The following CHCHD6 variants were observed in gnomAD, a reference collection of about 807,000 sequenced individuals.
CHCHD6 encodes the protein coiled-coil-helix-coiled-coil-helix domain containing 6, also known as MICOS complex subunit MIC25.
In CHCHD6, 28 loss-of-function variants were observed where a neutral mutation model predicts 32.3. That is an observed-to-expected ratio of 0.87 (90% CI 0.64 to 1.19). The LOEUF (loss-of-function observed/expected upper bound fraction) is 1.19. Among genes scored for constraint, CHCHD6 ranks in the 50% most tolerant of loss-of-function variants. CHCHD6 has a pLI of 0.00. For synonymous variants in CHCHD6, 122 were observed against 117.5 expected (o/e 1.04, Z -0.25); for missense variants, 333 against 307.0 (o/e 1.08, Z -0.63).
rs540321618 is a variant in CHCHD6, at chr3:126,766,818, G to A, written c.411+33596G>A. ...CTTCACTGATGGCAAAGGAGCAGGT[G>A]TAACCAGTATAGATCTGGGACACCC... On this transcript the variant is annotated intron_variant, in intron 4 of 7. Transcript: ENST00000290913. 1.4e-4 allele frequency: 141 copies of A among 1,000,810 alleles called. 1 individual carries two copies. The highest frequency in any genetic ancestry group is 2.2e-4 in the Non-Finnish European group (136 of 622,252). The allele number at this position is 1,000,810 out of a possible 1,614,324, so 62.0% of individuals were successfully genotyped here. A position where few individuals can be genotyped will look rare whatever the true frequency, so the allele number is the denominator to read the frequency against.
At chr3:126,860,560 T>C (rs993582579) in intron 5 of CHCHD6, among the ~76,000 whole-genome samples, 8 of 152,084 alleles carry the variant, frequency 5.3e-5, no homozygotes, top group South Asian at 4.1e-4. Context: ...CAAACCTGCA[T>C]GTTGTGCACA....
intron 6 of CHCHD6, among the ~76,000 whole-genome samples, chr3:126,948,209 C>T (rs1375826443): frequency 6.6e-6 from 1 of 152,240 alleles, no homozygotes; most frequent in Non-Finnish European, 1.5e-5. Context: ...CAAAGCACCA[C>T]ATGTCAGGCC....
intron 5 of CHCHD6, among the ~76,000 whole-genome samples, chr3:126,907,579 G>A (rs1443775629): frequency 6.6e-6 from 1 of 152,106 alleles, no homozygotes; most frequent in Non-Finnish European, 1.5e-5. Context: ...TTAAAATGTA[G>A]CATTCCTGTG....
At chr3:126,841,389 A>G (rs1941075126) in intron 4 of CHCHD6, among the ~76,000 whole-genome samples, 1 of 152,196 alleles carries the variant, frequency 6.6e-6, no homozygotes, top group East Asian at 1.9e-4. Context: ...AGGAAGTGAC[A>G]GATCTAGTAT....
rs115087691 is a variant in CHCHD6, at chr3:126,729,601, A to G, written c.197-960A>G. ...CGCAGCAGGCTCCTGAGTTCACCTC[A>G]GTTGAGAACCTGGTGTGTTGCTGAG... is the stretch of plus-strand genomic sequence containing the variant. On this transcript the variant is annotated intron_variant, in intron 2 of 7. Coordinates refer to ENST00000290913, the MANE Select transcript of CHCHD6 (RefSeq NM_032343.3). Among the ~76,000 whole-genome samples the G allele has an allele frequency of 3.9e-3, 596 of 152,332 alleles. 6 individuals carry two copies. The highest frequency in any genetic ancestry group is 0.013 in the African/African-American group (531 of 41,574).
intron 4 of CHCHD6, among the ~76,000 whole-genome samples, chr3:126,823,880 T>TACAAAAACAAAAACAAAA (rs142328336): frequency 0.011 from 1,727 of 151,116 alleles, 20 homozygotes; most frequent in Middle Eastern, 0.048. Flanking sequence ...ACCCTATCTC[T>TACAAAAACAAAAACAAAA]ACAAAAACAA....
Position 126,957,687 on chromosome 3 carries a change from A to C in CHCHD6, c.702+136A>C, listed in dbSNP as rs1440205752. The stretch of plus-strand genomic sequence containing the variant: ...CCACTTGGAGGTCTCTGCATTTGCC[A>C]AGGGAGGGATTCTTCGCTTTCCTCA... On this transcript the variant is annotated intron_variant, in intron 7 of 7. Transcript: ENST00000290913. 3.6e-6 allele frequency: 4 copies of C among 1,106,462 alleles called. No homozygotes were observed. In the Admixed American group the frequency reaches 6.0e-5, roughly 17 times the overall value. The allele number at this position is 1,106,462 out of a possible 1,614,324, so 68.5% of individuals were successfully genotyped here.
rs117498123 is a variant in CHCHD6 at position 126,931,091 on chromosome 3, G to A, written c.566+16341G>A. Reference sequence around the variant, plus strand: ...CCGGCTCTCTTCCTGCTCTGTGGGGGCAGGCCTTGGTGGAGCAGGGCGCCA... The same window carrying A: ...CCGGCTCTCTTCCTGCTCTGTGGGGACAGGCCTTGGTGGAGCAGGGCGCCA... On this transcript the variant is annotated intron_variant, in intron 6 of 7. Coordinates refer to ENST00000290913, the MANE Select transcript of CHCHD6 (RefSeq NM_032343.3). 4.3e-4 allele frequency among the ~76,000 whole-genome samples: 66 copies of A among 152,318 alleles called. 2 individuals are homozygous for A. The East Asian group carries it at 0.012, about 27-fold the overall frequency.
chr3:126,858,567 G>T (rs961540314), intron 5 of CHCHD6, among the ~76,000 whole-genome samples: 2 of 152,154 alleles, frequency 1.3e-5, no homozygotes, highest in African/African-American at 4.8e-5. Context: ...GACCTTACAG[G>T]CCTTAAACAT....
chr3:126,831,109 C>T lies in CHCHD6; in HGVS notation c.412-21538C>T, dbSNP rs548993503. On this transcript the variant is annotated intron_variant, in intron 4 of 7. Coordinates refer to ENST00000290913, the MANE Select transcript of CHCHD6 (RefSeq NM_032343.3). ...CGCAATCTCAGCTCACTGCAAGCTC[C>T]ACCTCCCGGGTTCACGCCATTCTCC... Among the ~76,000 whole-genome samples the T allele has an allele frequency of 1.7e-3, 252 of 152,122 alleles. 2 individuals are homozygous for T. Among genetic ancestry groups the T allele is most frequent in the African/African-American group, 5.9e-3 (245 of 41,490 alleles).
chr3:126,822,498 A>T (rs1940193812), intron 4 of CHCHD6, among the ~76,000 whole-genome samples: 1 of 152,196 alleles, frequency 6.6e-6, no homozygotes, highest in Non-Finnish European at 1.5e-5. Context: ...AAATCAAGAG[A>T]TGTGAGTCCT....
chr3:126,901,193 C>T (rs536258433), intron 5 of CHCHD6, among the ~76,000 whole-genome samples: 1 of 152,370 alleles, frequency 6.6e-6, no homozygotes, highest in Admixed American at 6.5e-5. Context: ...GACTAACTTA[C>T]TGACTGAGAA....
intron 6 of CHCHD6, among the ~76,000 whole-genome samples, chr3:126,954,081 C>CT (rs1490416346): frequency 6.6e-6 from 1 of 152,192 alleles, no homozygotes; most frequent in African/African-American, 2.4e-5. Flanking sequence ...CATTCAGAGC[C>CT]TTTTTGTGGA....
chr3:126,800,987 A>G (rs1219156033), intron 4 of CHCHD6, among the ~76,000 whole-genome samples: 1 of 152,196 alleles, frequency 6.6e-6, no homozygotes, highest in Admixed American at 6.5e-5. Flanking sequence ...TTCATTCTTA[A>G]CTATAACGAG....
At chr3:126,732,386 G>T (rs13313873) in intron 3 of CHCHD6, among the ~76,000 whole-genome samples, 30,838 of 152,024 alleles carry the variant, frequency 0.2, 3,400 homozygotes, top group South Asian at 0.35. Flanking sequence ...GTCATTAGTT[G>T]CACCTGCTTT....
intron 2 of CHCHD6, among the ~76,000 whole-genome samples, chr3:126,729,309 C>T (rs1315382920): frequency 2.0e-5 from 3 of 152,028 alleles, no homozygotes; most frequent in Admixed American, 6.5e-5. Context: ...CACAGATGGC[C>T]ATACTCATGA....
chr3:126,799,260 G>A (rs1938947759), intron 4 of CHCHD6, among the ~76,000 whole-genome samples: 3 of 152,118 alleles, frequency 2.0e-5, no homozygotes, highest in Admixed American at 2.0e-4. Flanking sequence ...TCAACAGATG[G>A]GTGTGGGCAC....
At chr3:126,807,215 G>T (rs976056205) in intron 4 of CHCHD6, among the ~76,000 whole-genome samples, 28 of 151,318 alleles carry the variant, frequency 1.9e-4, no homozygotes, top group Non-Finnish European at 8.9e-5. Context: ...AAAATTGTGA[G>T]ACCAAAACAT....
At chr3:126,927,207 GGCAAGC>G (rs1294587146) in intron 6 of CHCHD6, among the ~76,000 whole-genome samples, 1 of 152,184 alleles carries the variant, frequency 6.6e-6, no homozygotes, top group Non-Finnish European at 1.5e-5. Context: ...CTGGGGAGCT[GGCAAGC>G]GCAGGGCAGC....
Sources: gnomAD v4.1 joint callset for allele counts (sites outside exome capture counted in the v4.1 genomes callset) on GRCh38, gnomAD v4.1.1 for gene constraint, MANE v1.5 for transcripts, NCBI Gene and HGNC (gene_info 2026-07-23, HGNC 2026-07-21) for gene names.